Variants in ITPK1 observed in about 807,000 individuals in gnomAD.
ITPK1 encodes inositol 1,3,4-trisphosphate 5/6-kinase.
ITPK1 carries 21 observed loss-of-function variants against 45.3 expected under a neutral mutation model. The observed-to-expected ratio is 0.46, with a 90% CI of 0.33 to 0.67. The LOEUF (loss-of-function observed/expected upper bound fraction) is 0.67, where lower values mean the gene tolerates loss of function less well. Among genes scored for constraint, ITPK1 ranks in the 30% least tolerant of loss-of-function variants. The probability of loss-of-function intolerance (pLI) is 0.02; values close to 1 mark genes in which losing one functional copy is unlikely to be tolerated. For missense variants in ITPK1, 474 were observed against 573.5 expected (o/e 0.83, Z 1.77); for synonymous variants, 258 against 253.6 (o/e 1.02, Z -0.16).
At chr14:93,044,348 TC>T (rs1889689102) in intron 3 of ITPK1, among the ~76,000 whole-genome samples, 1 of 66,554 alleles carries the variant, frequency 1.5e-5, no homozygotes, top group Admixed American at 2.1e-4. Flanking sequence ...TCCAACCCCC[TC>T]CGCAGAGATA....
rs1042204460 is a variant in ITPK1 at position 92,938,734 on chromosome 14, C to A, written c.*2827G>T. The A allele has an allele frequency of 6.7e-6, 4 of 600,976 alleles. No individual in the cohort carries two copies. The highest frequency in any genetic ancestry group is 1.2e-5 in the Non-Finnish European group (4 of 337,492). 37.2% of individuals were successfully genotyped at this position (600,976 alleles called of 1,614,324 possible). ...CTCCATGACACCAAGGGCAAAGCACCAGTTCCAGGGTGGCCTCCCCTTGGC... is the reference window on the plus strand; with the variant it reads ...CTCCATGACACCAAGGGCAAAGCACAAGTTCCAGGGTGGCCTCCCCTTGGC... On this transcript the variant is annotated 3_prime_UTR_variant, in exon 11 of 11. Coordinates refer to ENST00000267615, the MANE Select transcript of ITPK1 (RefSeq NM_014216.6).
Position 93,036,494 on chromosome 14 carries a change from G to A in ITPK1, c.121-19693C>T, listed in dbSNP as rs184048726. Among the ~76,000 whole-genome samples, 153 of 152,176 alleles carry A rather than the reference G, an allele frequency of 1.0e-3. No individual in the cohort carries two copies. The highest frequency in any genetic ancestry group is 3.4e-3 in the Middle Eastern group (1 of 294). On this transcript the variant is annotated intron_variant, in intron 3 of 10. Transcript: ENST00000267615. This position sits in a 1 kb window ranked among gnomAD's most constrained non-coding sequence, Gnocchi z 4.1. The stretch of plus-strand genomic sequence containing the variant: ...AACACGTGACCTCCTCCGAGAGGCT[G>A]GTGGGAGCACGTGCCCCATTTGACC...
chr14:93,035,440 C>G (rs183356909), intron 3 of ITPK1, among the ~76,000 whole-genome samples: 3 of 152,358 alleles, frequency 2.0e-5, no homozygotes, highest in Non-Finnish European at 4.4e-5. Context: ...CCTCCCTCAT[C>G]TCCCATGGGT....
intron 3 of ITPK1, among the ~76,000 whole-genome samples, chr14:93,031,941 A>G (rs1470173152): frequency 6.6e-6 from 1 of 152,144 alleles, no homozygotes; most frequent in African/African-American, 2.4e-5. Flanking sequence ...AACTCCTACA[A>G]AGCCTGCATA....
At chr14:93,019,180 G>A (rs1164820766) in intron 3 of ITPK1, among the ~76,000 whole-genome samples, 2 of 152,220 alleles carry the variant, frequency 1.3e-5, no homozygotes, top group East Asian at 1.9e-4. Context: ...AGCGCAGGGG[G>A]AGCCGGGCCA....
chr14:92,974,360 G>A (rs1158892860), intron 5 of ITPK1, among the ~76,000 whole-genome samples: 1 of 152,216 alleles, frequency 6.6e-6, no homozygotes, highest in East Asian at 1.9e-4. Context: ...GACATTAAAA[G>A]TTCCAGATCC....
At chr14:93,111,154 C>T (rs986975445) in intron 2 of ITPK1, among the ~76,000 whole-genome samples, 5 of 152,176 alleles carry the variant, frequency 3.3e-5, no homozygotes, top group Admixed American at 3.3e-4. Flanking sequence ...TAAGGTTCAC[C>T]CAAATTTTAT....
chr14:93,092,533 G>T (rs1566781680), intron 2 of ITPK1, among the ~76,000 whole-genome samples: 1 of 152,228 alleles, frequency 6.6e-6, no homozygotes, highest in Non-Finnish European at 1.5e-5. Context: ...GCCAGGCTGG[G>T]ACCAGAAGGG....
intron 5 of ITPK1, among the ~76,000 whole-genome samples, chr14:92,967,359 T>C (rs540340857): frequency 3.5e-4 from 53 of 152,238 alleles, no homozygotes; most frequent in Non-Finnish European, 6.2e-4. Flanking sequence ...AAAACCACAA[T>C]GAGACACCAC....
intron 5 of ITPK1, among the ~76,000 whole-genome samples, chr14:92,988,700 G>A (rs933409118): frequency 6.6e-5 from 10 of 152,194 alleles, no homozygotes; most frequent in Admixed American, 2.0e-4. Context: ...GCTAAGAGCA[G>A]ACCCACACTG....
At position 93,107,297 on chromosome 14, in the gene ITPK1, T is replaced by C. The variant is rs191859020; in HGVS notation, c.95+7772A>G. ...TTTTGAGCTCCTATGTGCACTGGTA[T>C]AGGCACTGGGGTTTCAGCAGTAAAT... On this transcript the variant is annotated intron_variant, in intron 2 of 10. Coordinates refer to ENST00000267615, the MANE Select transcript of ITPK1 (RefSeq NM_014216.6). Among the ~76,000 whole-genome samples the C allele has an allele frequency of 6.3e-4, 96 of 152,290 alleles. 1 individual carries two copies. The highest frequency in any genetic ancestry group is 2.1e-3 in the African/African-American group (86 of 41,568).
intron 2 of ITPK1, among the ~76,000 whole-genome samples, chr14:93,088,341 G>GTTTTTTTTTTTTTT (rs1179019290): frequency 1.5e-4 from 20 of 132,714 alleles, no homozygotes; most frequent in African/African-American, 5.4e-4. Flanking sequence ...GTTTTGTTTT[G>GTTTTTTTTTTTTTT]TTTTTTTTTT....
chr14:93,095,028 C>T (rs924813947), intron 2 of ITPK1, among the ~76,000 whole-genome samples: 1 of 152,236 alleles, frequency 6.6e-6, no homozygotes, highest in Non-Finnish European at 1.5e-5. Flanking sequence ...CTTCCATCTT[C>T]CCAGATAGAG....
chr14:92,951,442 C>G (rs1887950112), intron 9 of ITPK1, among the ~76,000 whole-genome samples: 1 of 152,188 alleles, frequency 6.6e-6, no homozygotes, highest in Non-Finnish European at 1.5e-5. Flanking sequence ...CTGCAGGGCA[C>G]CTGGGCTGAC....
At position 93,053,817 on chromosome 14, in the gene ITPK1, T is replaced by G. The variant is rs559539114; in HGVS notation, c.120+22778A>C. On this transcript the variant is annotated intron_variant, in intron 3 of 10. Coordinates refer to ENST00000267615, the MANE Select transcript of ITPK1 (RefSeq NM_014216.6). Reference sequence around the variant, plus strand: ...CAAAACTGCTCTAAAATAGAGTCTATTAAAAATCAATCTCCCAGGTGACTG... The same window carrying G: ...CAAAACTGCTCTAAAATAGAGTCTAGTAAAAATCAATCTCCCAGGTGACTG... Among the ~76,000 whole-genome samples the G allele has an allele frequency of 3.9e-5, 6 of 152,276 alleles. No individual in the cohort carries two copies. In the South Asian group the frequency reaches 1.2e-3, roughly 32 times the overall value.
chr14:93,045,440 A>G (rs28688110), intron 3 of ITPK1, among the ~76,000 whole-genome samples: 2 of 152,136 alleles, frequency 1.3e-5, no homozygotes, highest in African/African-American at 4.8e-5. Context: ...GCAAATCACC[A>G]GGATGGGGGA....
In ITPK1 at chr14:93,033,514, G is replaced by A. The variant is rs983002827; in HGVS notation, c.121-16713C>T. 2.6e-5 allele frequency among the ~76,000 whole-genome samples: 4 copies of A among 152,286 alleles called. No homozygotes were observed. The South Asian group carries it at 8.3e-4, about 32-fold the overall frequency. ...GGGTCTAGAGAGGGACCACTGATGA[G>A]TAATCAGTCAACAGTGACCACCCAG... On this transcript the variant is annotated intron_variant, in intron 3 of 10. Coordinates refer to ENST00000267615, the MANE Select transcript of ITPK1 (RefSeq NM_014216.6).
At chr14:93,082,417 CCT>C (rs1213588365) in intron 2 of ITPK1, among the ~76,000 whole-genome samples, 4 of 152,204 alleles carry the variant, frequency 2.6e-5, no homozygotes, top group East Asian at 1.9e-4. Context: ...TGGGTGAGCC[CCT>C]GAGAGCAGAA....
At chr14:93,075,622 G>A (rs1282954859) in intron 3 of ITPK1, among the ~76,000 whole-genome samples, 1 of 152,206 alleles carries the variant, frequency 6.6e-6, no homozygotes, top group African/African-American at 2.4e-5. Context: ...TGCTGAACCT[G>A]CAGGAATGGG....
Sources: gnomAD v4.1 joint callset for allele counts (sites outside exome capture counted in the v4.1 genomes callset) on GRCh38, gnomAD v4.1.1 for gene constraint, Gnocchi (gnomAD v3.1) non-coding constraint, MANE v1.5 for transcripts, NCBI Gene and HGNC (gene_info 2026-07-23, HGNC 2026-07-21) for gene names.